The following APP variants were observed in gnomAD, a reference collection of about 807,000 sequenced individuals.
APP encodes the protein amyloid beta precursor protein.
A neutral mutation model predicts 101.4 loss-of-function variants in APP; 31 were observed. The observed-to-expected ratio is 0.31, with a 90% CI of 0.23 to 0.41. The LOEUF (loss-of-function observed/expected upper bound fraction) is 0.41. Among genes scored for constraint, APP ranks in the 10% least tolerant of loss-of-function variants. The pLI is 1.00. For missense variants in APP, 839 were observed against 1,003.7 expected, an observed-to-expected ratio of 0.84 and a Z score of 2.22; for synonymous variants, 366 against 364.4, an observed-to-expected ratio of 1.00 and a Z score of -0.05.
At chr21:26,097,027 G>A (rs750139713) in intron 2 of APP, among the ~76,000 whole-genome samples, 3 of 152,190 alleles carry the variant, frequency 2.0e-5, no homozygotes, top group Non-Finnish European at 4.4e-5. Flanking sequence ...TCTAGGAGAT[G>A]CCTTGTCCCC....
intron 2 of APP, among the ~76,000 whole-genome samples, chr21:26,103,709 C>T (rs977430567): frequency 6.6e-6 from 1 of 152,216 alleles, no homozygotes; most frequent in Non-Finnish European, 1.5e-5. Context: ...AAGCTGGATA[C>T]AGAACTCCTG....
At chr21:26,167,789 G>A (rs2063649080) in intron 1 of APP, among the ~76,000 whole-genome samples, 3 of 151,858 alleles carry the variant, frequency 2.0e-5, no homozygotes, top group Admixed American at 1.3e-4. Context: ...TAACTTCTCC[G>A]CAGTACTAAT....
At chr21:25,974,830 G>A (rs914591293) in intron 11 of APP, among the ~76,000 whole-genome samples, 3 of 152,274 alleles carry the variant, frequency 2.0e-5, no homozygotes, top group East Asian at 3.9e-4. Context: ...GTCCCTGGGA[G>A]TCCTGTCTGG....
chr21:25,892,191 G>T (rs1160806590), intron 16 of APP, among the ~76,000 whole-genome samples: 1 of 152,116 alleles, frequency 6.6e-6, no homozygotes, highest in Non-Finnish European at 1.5e-5. Context: ...GCAGGGACCT[G>T]AAACCCTTTG....
At chr21:26,021,412 C>T (rs1334079011) in intron 6 of APP, among the ~76,000 whole-genome samples, 1 of 152,088 alleles carries the variant, frequency 6.6e-6, no homozygotes, top group Non-Finnish European at 1.5e-5. Context: ...ATCGAAACTA[C>T]AAGCCAGGCA....
intron 8 of APP, among the ~76,000 whole-genome samples, chr21:25,992,719 T>C (rs1347132870): frequency 6.6e-6 from 1 of 152,234 alleles, no homozygotes; most frequent in Non-Finnish European, 1.5e-5. Flanking sequence ...CTTGTTAATC[T>C]GATAGAATAT....
chr21:26,088,162 A>C lies in APP; in HGVS notation c.355+1781T>G, dbSNP rs370467091. 2.0e-5 allele frequency among the ~76,000 whole-genome samples: 3 copies of C among 152,244 alleles called. No individual in the cohort carries two copies. The South Asian group carries it at 6.2e-4, about 32-fold the overall frequency. ...GAAGGAGAGCTTTTCAGAGATGAGG[A>C]GGCTTGAAGAGCAGGGGCAAAGGAA... On this transcript the variant is annotated intron_variant, in intron 3 of 17. Transcript: ENST00000346798.
At chr21:25,970,258 A>C (rs2041980290) in intron 11 of APP, among the ~76,000 whole-genome samples, 1 of 152,214 alleles carries the variant, frequency 6.6e-6, no homozygotes, top group African/African-American at 2.4e-5. Context: ...ACACTTCGGC[A>C]AACATTCTTG....
chr21:25,959,201 G>A (rs1300968880), intron 11 of APP, among the ~76,000 whole-genome samples: 1 of 152,318 alleles, frequency 6.6e-6, no homozygotes, highest in East Asian at 1.9e-4. Flanking sequence ...TTGGGAGGCC[G>A]AGGCGGGCAG....
At chr21:26,096,149 T>TC (rs1298288888) in intron 2 of APP, among the ~76,000 whole-genome samples, 3 of 152,060 alleles carry the variant, frequency 2.0e-5, no homozygotes, top group African/African-American at 7.2e-5. Flanking sequence ...CCCATTAGGG[T>TC]CCCCCCACAT....
At position 26,043,427 on chromosome 21, in the gene APP, T is replaced by C. The variant is rs192291318; in HGVS notation, c.662+7573A>G. Among the ~76,000 whole-genome samples the C allele has an allele frequency of 8.3e-4, 126 of 152,038 alleles. 2 individuals are homozygous for C. Among genetic ancestry groups the C allele is most frequent in the African/African-American group, 3.0e-3 (123 of 41,498 alleles). The stretch of plus-strand genomic sequence containing the variant: ...TGTATTTTTAGTAGAGAGGGGGTTT[T>C]TCCATGTTGGCCAGGCTGGTCTTGA... On this transcript the variant is annotated intron_variant, in intron 5 of 17. Coordinates refer to ENST00000346798, the MANE Select transcript of APP (RefSeq NM_000484.4).
chr21:25,938,671 A>G (rs1300925669), intron 13 of APP, among the ~76,000 whole-genome samples: 1 of 152,214 alleles, frequency 6.6e-6, no homozygotes, highest in Admixed American at 6.5e-5. Context: ...GGCCCCAATT[A>G]CACATTAGGA....
intron 14 of APP, among the ~76,000 whole-genome samples, chr21:25,910,206 CCACG>C: frequency 6.6e-6 from 1 of 151,590 alleles, no homozygotes; most frequent in Non-Finnish European, 1.5e-5. Flanking sequence ...AGCTCACTGG[CCACG>C]TCCGCCTCCC....
intron 17 of APP, among the ~76,000 whole-genome samples, chr21:25,889,238 A>G (rs1268472571): frequency 1.3e-5 from 2 of 152,204 alleles, no homozygotes; most frequent in African/African-American, 2.4e-5. Flanking sequence ...CTAATCCACT[A>G]TGACTGGTGT....
chr21:26,116,169 T>C (rs574311271), intron 1 of APP, among the ~76,000 whole-genome samples: 1 of 152,322 alleles, frequency 6.6e-6, no homozygotes, highest in East Asian at 1.9e-4. Flanking sequence ...CATTCATAAA[T>C]TGCCTCAAAA....
intron 13 of APP, among the ~76,000 whole-genome samples, chr21:25,916,166 T>G (rs1347312953): frequency 6.6e-6 from 1 of 152,090 alleles, no homozygotes; most frequent in Non-Finnish European, 1.5e-5. Context: ...CATGACCGGA[T>G]AGTTTTTATG....
intron 6 of APP, among the ~76,000 whole-genome samples, chr21:26,019,745 T>C (rs1039952976): frequency 1.5e-4 from 23 of 152,260 alleles, no homozygotes; most frequent in African/African-American, 5.3e-4. Context: ...TGCAGGCTGC[T>C]AGCTGCTGTA....
intron 9 of APP, among the ~76,000 whole-genome samples, chr21:25,981,935 G>C (rs2042447960): frequency 6.6e-6 from 1 of 152,116 alleles, no homozygotes; most frequent in South Asian, 2.1e-4. Context: ...TGATTTTACA[G>C]ACTGTAAACA....
At chr21:26,031,685 C>T (rs2044832125) in intron 5 of APP, among the ~76,000 whole-genome samples, 3 of 137,562 alleles carry the variant, frequency 2.2e-5, no homozygotes, top group Admixed American at 1.5e-4. Context: ...AGATCAGCCC[C>T]CATGAATCAA....
Sources: gnomAD v4.1 joint callset for allele counts (sites outside exome capture counted in the v4.1 genomes callset) on GRCh38, gnomAD v4.1.1 for gene constraint, MANE v1.5 for transcripts, NCBI Gene and HGNC (gene_info 2026-07-23, HGNC 2026-07-21) for gene names.